Variants in RPS6KA2 observed in about 807,000 individuals in gnomAD.
The protein encoded by RPS6KA2 is ribosomal protein S6 kinase alpha-2.
RPS6KA2 carries 42 observed loss-of-function variants against 91.8 expected under a neutral mutation model. The ratio of observed to expected loss-of-function variants is 0.46; its 90% confidence interval spans 0.36 to 0.59. RPS6KA2 has a LOEUF of 0.59. Among genes scored for constraint, RPS6KA2 ranks in the 20% least tolerant of loss-of-function variants. The pLI, the probability that RPS6KA2 is intolerant of heterozygous loss-of-function variation, is 0.00. For missense variants in RPS6KA2, 798 were observed against 978.5 expected (o/e 0.82, Z 2.46); for synonymous variants, 414 against 393.6 (o/e 1.05, Z -0.61).
upstream of RPS6KA2, chr6:166,862,703 C>CGGGGGGGGG (rs34038936): frequency 3.2e-5 from 4 of 123,152 alleles, no homozygotes; most frequent in African/African-American, 1.6e-4. Flanking sequence ...GCTGGGGAGG[C>CGGGGGGGGG]GGGGGGGGGG....
chr6:166,431,038 C>T (rs761633766), intron 15 of RPS6KA2, among the ~76,000 whole-genome samples: 2 of 152,204 alleles, frequency 1.3e-5, no homozygotes, highest in African/African-American at 2.4e-5. Context: ...AGCGATTCTC[C>T]TGCCTTAGCC....
chr6:166,815,106 C>T (rs185903021), intron 2 of RPS6KA2, among the ~76,000 whole-genome samples: 102 of 152,252 alleles, frequency 6.7e-4, no homozygotes, highest in East Asian at 3.7e-3. Flanking sequence ...ACAAAGAAAA[C>T]GAGAGATACT....
intron 2 of RPS6KA2, among the ~76,000 whole-genome samples, chr6:166,729,785 C>T (rs1189089422): frequency 6.6e-6 from 1 of 152,164 alleles, no homozygotes; most frequent in Non-Finnish European, 1.5e-5. Flanking sequence ...CCATATATTT[C>T]CCTGATCAAA....
At position 166,747,557 on chromosome 6, in the gene RPS6KA2, C is replaced by T. The variant is rs1030394995; in HGVS notation, c.123+110643G>A. Among the ~76,000 whole-genome samples the T allele has an allele frequency of 5.9e-5, 9 of 152,272 alleles. No individual in the cohort carries two copies. The East Asian group carries it at 9.6e-4, about 16-fold the overall frequency. Reference sequence around the variant, plus strand: ...CCAGCTTTGTGCAGCTATGTGTGGCCGCTCCTCCTCCTCCTCCCAAAGCTT... The same window carrying T: ...CCAGCTTTGTGCAGCTATGTGTGGCTGCTCCTCCTCCTCCTCCCAAAGCTT... On this transcript the variant is annotated intron_variant, in intron 2 of 21. Coordinates refer to the RPS6KA2 transcript ENST00000503859.
intron 19 of RPS6KA2, 147 bp from the exon 20 acceptor site, chr6:166,414,078 C>G (rs16898907): frequency 0.036 from 22,247 of 619,990 alleles, 3,198 homozygotes; most frequent in African/African-American, 0.34. Flanking sequence ...GTCATGTTCA[C>G]TTTCAGGTTT....
chr6:166,846,959 C>T (rs1780622954), intron 2 of RPS6KA2, among the ~76,000 whole-genome samples: 1 of 151,876 alleles, frequency 6.6e-6, no homozygotes, highest in Admixed American at 6.6e-5. Context: ...ACCTAGAAAA[C>T]CCTAGTAAAG....
At chr6:166,602,224 G>A (rs979819373) in intron 1 of RPS6KA2, among the ~76,000 whole-genome samples, 2 of 152,218 alleles carry the variant, frequency 1.3e-5, no homozygotes, top group Non-Finnish European at 2.9e-5. Flanking sequence ...CAGCAAGGAG[G>A]GAGAGAATGA....
At chr6:166,646,854 G>A (rs1462208875) in intron 2 of RPS6KA2, among the ~76,000 whole-genome samples, 3 of 152,166 alleles carry the variant, frequency 2.0e-5, no homozygotes, top group Non-Finnish European at 4.4e-5. Context: ...TCTCCAGCAA[G>A]TTCTCCTGCT....
chr6:166,744,414 G>A (rs1463287854), intron 2 of RPS6KA2, among the ~76,000 whole-genome samples: 10 of 152,120 alleles, frequency 6.6e-5, no homozygotes, highest in South Asian at 2.1e-4. Flanking sequence ...GAATGGGAGC[G>A]TTGCTGCCCG....
At chr6:166,688,950 A>G (rs1355391531) in intron 2 of RPS6KA2, among the ~76,000 whole-genome samples, 1 of 152,266 alleles carries the variant, frequency 6.6e-6, no homozygotes, top group Non-Finnish European at 1.5e-5. Flanking sequence ...CTGAATGCAG[A>G]GCAAGAGATT....
intron 1 of RPS6KA2, among the ~76,000 whole-genome samples, chr6:166,569,732 C>T (rs1784626478): frequency 6.6e-6 from 1 of 152,186 alleles, no homozygotes; most frequent in Non-Finnish European, 1.5e-5. Flanking sequence ...TATACTTACT[C>T]TGCACGGTGA....
chr6:166,831,796 TAGATGATA>T (rs1488857583), intron 2 of RPS6KA2, among the ~76,000 whole-genome samples: 2 of 150,116 alleles, frequency 1.3e-5, no homozygotes, highest in African/African-American at 4.9e-5. Flanking sequence ...GATACATAGA[TAGATGATA>T]GATAGATAGA....
intron 1 of RPS6KA2, among the ~76,000 whole-genome samples, chr6:166,567,980 C>T (rs536970200): frequency 1.3e-5 from 2 of 152,276 alleles, no homozygotes; most frequent in East Asian, 3.9e-4. Context: ...AGCCTCTGCG[C>T]CTGGCAGCTC....
chr6:166,669,442 G>A (rs1277894740), intron 2 of RPS6KA2, among the ~76,000 whole-genome samples: 2 of 152,204 alleles, frequency 1.3e-5, no homozygotes, highest in Non-Finnish European at 2.9e-5. Flanking sequence ...CCAAATTCAT[G>A]TTCCTGGATT....
intron 2 of RPS6KA2, among the ~76,000 whole-genome samples, chr6:166,828,206 C>G (rs187399326): frequency 3.5e-4 from 54 of 152,354 alleles, no homozygotes; most frequent in Non-Finnish European, 6.3e-4. Flanking sequence ...TCAGGGAGTC[C>G]TCTGATGGCC....
rs188980261 is a variant in RPS6KA2, at chr6:166,685,946, G to A, written c.124-147162C>T. Reference sequence around the variant, plus strand: ...GATGGACGATGGGCCCATGCCCTAGGAGGGAGGGGGACAGAGGGCGAACGA... The same window carrying A: ...GATGGACGATGGGCCCATGCCCTAGAAGGGAGGGGGACAGAGGGCGAACGA... On this transcript the variant is annotated intron_variant, in intron 2 of 21. Coordinates refer to the RPS6KA2 transcript ENST00000503859. Among the ~76,000 whole-genome samples the A allele has an allele frequency of 2.6e-5, 4 of 152,342 alleles. No individual in the cohort carries two copies. The East Asian group carries it at 7.7e-4, about 29-fold the overall frequency.
intron 14 of RPS6KA2, among the ~76,000 whole-genome samples, chr6:166,444,244 C>T (rs957438741): frequency 7.9e-5 from 12 of 152,180 alleles, no homozygotes; most frequent in Non-Finnish European, 8.8e-5. Context: ...TCCTGGATCA[C>T]GATTACCTCC....
At chr6:166,731,899 A>G (rs6941765) in intron 2 of RPS6KA2, among the ~76,000 whole-genome samples, 42,305 of 151,572 alleles carry the variant, frequency 0.28, 7,963 homozygotes, top group African/African-American at 0.54. Flanking sequence ...TCCTCAGCAA[A>G]GCTCCTGAAT....
At chr6:166,725,853 G>T (rs1415299119) in intron 2 of RPS6KA2, among the ~76,000 whole-genome samples, 1 of 152,230 alleles carries the variant, frequency 6.6e-6, no homozygotes, top group Non-Finnish European at 1.5e-5. Context: ...CAGAGGGAAA[G>T]CAGTGTCAGC....
Sources: gnomAD v4.1 joint callset for allele counts (sites outside exome capture counted in the v4.1 genomes callset) on GRCh38, gnomAD v4.1.1 for gene constraint, MANE v1.5 for transcripts, NCBI Gene and HGNC (gene_info 2026-07-23, HGNC 2026-07-21) for gene names.